The following KREMEN1 variants were observed in gnomAD, a reference collection of about 807,000 sequenced individuals.
The protein encoded by KREMEN1 is kringle containing transmembrane protein 1, also known as kremen protein 1.
A neutral mutation model predicts 46.5 loss-of-function variants in KREMEN1; 30 were observed. That is an observed-to-expected ratio of 0.65 (90% CI 0.48 to 0.88). KREMEN1 has a LOEUF of 0.88. KREMEN1 is among the 40% of genes least tolerant of loss of function. KREMEN1 has a pLI of 0.00. For missense variants in KREMEN1, 533 were observed against 596.9 expected (o/e 0.89, Z 1.11); for synonymous variants, 214 against 230.6 (o/e 0.93, Z 0.65).
In KREMEN1 at chr22:29,143,077, G is replaced by A; in HGVS notation, c.*965G>A. The A allele has an allele frequency of 1.7e-6, 1 of 589,230 alleles. No individual in the cohort carries two copies. Among genetic ancestry groups the A allele is most frequent in the Non-Finnish European group, 2.1e-6 (1 of 468,012 alleles). 36.5% of individuals were successfully genotyped at this position (589,230 alleles called of 1,614,324 possible). A position where few individuals can be genotyped will look rare whatever the true frequency, so the allele number is the denominator to read the frequency against. On this transcript the variant is annotated 3_prime_UTR_variant, in exon 9 of 9. Transcript: ENST00000400335. Reference sequence around the variant, plus strand: ...AGACAGAAGAACAGCTTGAACCCAGGAGGCTGAGATTGCAGTGAGCCGAGA... The same window carrying A: ...AGACAGAAGAACAGCTTGAACCCAGAAGGCTGAGATTGCAGTGAGCCGAGA...
At chr22:29,094,521 C>A in intron 2 of KREMEN1, 101 bp downstream of exon 2, 1 of 988,166 alleles carries the variant, frequency 1.0e-6, no homozygotes, top group Non-Finnish European at 1.5e-6. Context: ...AGTCTTTTGA[C>A]CAACTCAAGA....
intron 2 of KREMEN1, among the ~76,000 whole-genome samples, chr22:29,097,332 T>C (rs534211408): frequency 9.9e-5 from 15 of 152,270 alleles, no homozygotes; most frequent in Non-Finnish European, 1.9e-4. Context: ...GTTATTGTTA[T>C]GCCACCTATG....
intron 4 of KREMEN1, among the ~76,000 whole-genome samples, chr22:29,123,074 T>A (rs2038384421): frequency 6.6e-6 from 1 of 151,432 alleles, no homozygotes; most frequent in South Asian, 2.1e-4. Context: ...CAAATCTAAC[T>A]GTAAAATGTA....
At position 29,073,542 on chromosome 22, in the gene KREMEN1, C is replaced by T. The variant is rs1257158834; in HGVS notation, c.97+315C>T. 6.6e-6 allele frequency among the ~76,000 whole-genome samples: 1 copy of T among 152,144 alleles called. No individual in the cohort carries two copies. The highest frequency in any genetic ancestry group is 1.5e-5 in the Non-Finnish European group (1 of 67,994). ...AAGACCCTCTGCGACGCCCCCCGGG[C>T]TGGGACATCTTCTCTGTCTCGGGAT... On this transcript the variant is annotated intron_variant, in intron 1 of 8. Coordinates refer to ENST00000400335, the MANE Select transcript of KREMEN1 (RefSeq NM_001039570.3). This position sits in a 1 kb window ranked among gnomAD's most constrained non-coding sequence, Gnocchi z 4.4.
intron 3 of KREMEN1, among the ~76,000 whole-genome samples, chr22:29,114,511 C>T (rs134686): frequency 0.56 from 75,952 of 135,950 alleles, 22,089 homozygotes; most frequent in African/African-American, 0.71. Flanking sequence ...AAAAAAGGAG[C>T]GGAAGAGAAA....
chr22:29,124,998 TCCCCCTTAAAACTTACTG>T (rs1445677588), intron 4 of KREMEN1, among the ~76,000 whole-genome samples: 2 of 152,122 alleles, frequency 1.3e-5, no homozygotes, highest in Admixed American at 1.3e-4. Flanking sequence ...TGAGATTTTC[TCCCCCTTAAAACTTACTG>T]AAGTGCAGTA....
downstream of KREMEN1, among the ~76,000 whole-genome samples, chr22:29,148,932 G>A (rs559907097): frequency 2.0e-5 from 3 of 152,004 alleles, no homozygotes; most frequent in Non-Finnish European, 2.9e-5. Context: ...TATTACCACC[G>A]CAGACGTGGC....
chr22:29,139,647 C>T (rs1209770385), intron 7 of KREMEN1, among the ~76,000 whole-genome samples: 1 of 152,146 alleles, frequency 6.6e-6, no homozygotes, highest in Non-Finnish European at 1.5e-5. Flanking sequence ...GTGGCACATG[C>T]CTATAGTCTC....
At chr22:29,117,955 C>T (rs936830314) in intron 3 of KREMEN1, among the ~76,000 whole-genome samples, 2 of 152,188 alleles carry the variant, frequency 1.3e-5, no homozygotes, top group African/African-American at 4.8e-5. Flanking sequence ...TTCTGCGGGT[C>T]AGGAAATGTG....
chr22:29,140,041 G>C (rs1403530872), intron 7 of KREMEN1, among the ~76,000 whole-genome samples: 1 of 152,178 alleles, frequency 6.6e-6, no homozygotes, highest in African/African-American at 2.4e-5. Context: ...ATAGACTTTG[G>C]ATCATCCTGT....
chr22:29,146,617 C>G lies in KREMEN1; in HGVS notation c.*4505C>G, dbSNP rs1042180831. 10 of 982,864 alleles carry G rather than the reference C, an allele frequency of 1.0e-5. No individual in the cohort carries two copies. Among genetic ancestry groups the G allele is most frequent in the South Asian group, 9.4e-5 (2 of 21,228 alleles). The allele number at this position is 982,864 out of a possible 1,614,324, so 60.9% of individuals were successfully genotyped here. A position where few individuals can be genotyped will look rare whatever the true frequency, so the allele number is the denominator to read the frequency against. The stretch of plus-strand genomic sequence containing the variant: ...ACAAGGCTTTATTTGTAAATATGCT[C>G]TTAATATGCAACTTTGAGAATAAAA... On this transcript the variant is annotated 3_prime_UTR_variant, in exon 9 of 9. Transcript: ENST00000400335.
chr22:29,138,555 C>T, intron 6 of KREMEN1, 69 bp from the exon 7 acceptor site: 1 of 1,455,944 alleles, frequency 6.9e-7, no homozygotes, highest in Non-Finnish European at 9.6e-7. Context: ...ATAACTCGTG[C>T]TCTCCTCCCG....
chr22:29,124,178 A>G lies in KREMEN1; in HGVS notation c.478-1085A>G, dbSNP rs139966030. ...TGAATAACTAGAAACAGCCCAACAG[A>G]TAAACAAGCTGTGATACATCCATAC... On this transcript the variant is annotated intron_variant, in intron 4 of 8. Coordinates refer to ENST00000400335, the MANE Select transcript of KREMEN1 (RefSeq NM_001039570.3). Among the ~76,000 whole-genome samples, 534 of 152,334 alleles carry G rather than the reference A, an allele frequency of 3.5e-3. 7 individuals are homozygous for G. The East Asian group carries it at 0.037, about 11-fold the overall frequency.
chr22:29,125,493 C>T (rs1238607389), intron 5 of KREMEN1, 77 bp downstream of exon 5: 1 of 1,451,902 alleles, frequency 6.9e-7, no homozygotes, highest in Non-Finnish European at 9.5e-7. Flanking sequence ...CCCACCCTCC[C>T]TCCCTTCTAT....
At chr22:29,098,397 AG>A (rs1420875846) in intron 2 of KREMEN1, among the ~76,000 whole-genome samples, 1 of 152,214 alleles carries the variant, frequency 6.6e-6, no homozygotes, top group Non-Finnish European at 1.5e-5. Context: ...ATTCCTAAAG[AG>A]GAAATTGCCA....
chr22:29,145,677 G>A lies in KREMEN1; in HGVS notation c.*3565G>A. ...CAGTTGCTTGCAAAGCAGAGAATGA[G>A]TAGGAGTGAACCCGAGTGACTTCAC... On this transcript the variant is annotated 3_prime_UTR_variant, in exon 9 of 9. Transcript: ENST00000400335. 1.0e-6 allele frequency: 1 copy of A among 985,562 alleles called. No individual in the cohort carries two copies. The highest frequency in any genetic ancestry group is 1.2e-6 in the Non-Finnish European group (1 of 830,024). 61.1% of individuals were successfully genotyped at this position (985,562 alleles called of 1,614,324 possible). A position where few individuals can be genotyped will look rare whatever the true frequency, so the allele number is the denominator to read the frequency against.
At chr22:29,163,085 G>T (rs968903674) in intron 9 of KREMEN1, among the ~76,000 whole-genome samples, 1 of 151,998 alleles carries the variant, frequency 6.6e-6, no homozygotes. Context: ...GCCAAGGAGG[G>T]ACCTGTAATC....
chr22:29,079,785 TA>T (rs2037626763), intron 1 of KREMEN1, among the ~76,000 whole-genome samples: 1 of 152,230 alleles, frequency 6.6e-6, no homozygotes, highest in Non-Finnish European at 1.5e-5. Flanking sequence ...TAGATGGCTG[TA>T]CATGTGCCTT....
chr22:29,112,668 T>C (rs2145795279), intron 3 of KREMEN1, among the ~76,000 whole-genome samples: 1 of 152,328 alleles, frequency 6.6e-6, no homozygotes, highest in East Asian at 1.9e-4. Context: ...GGGGTCCATT[T>C]GTATGTTAAG....
Sources: allele counts gnomAD v4.1 joint callset (sites outside exome capture counted in the v4.1 genomes callset), GRCh38; gene constraint gnomAD v4.1.1; non-coding constraint Gnocchi (gnomAD v3.1); transcripts MANE v1.5; gene names NCBI Gene and HGNC (gene_info 2026-07-23, HGNC 2026-07-21).